The following AP4E1 variants were observed in gnomAD, a reference collection of about 807,000 sequenced individuals.
AP4E1 encodes adaptor related protein complex 4 subunit epsilon 1.
Under a neutral mutation model 128.2 loss-of-function variants are expected in AP4E1, and 56 were observed. That is an observed-to-expected ratio of 0.44 (90% confidence interval 0.35 to 0.55). The LOEUF (loss-of-function observed/expected upper bound fraction) is 0.55, where lower values mean the gene tolerates loss of function less well. Among genes scored for constraint, AP4E1 ranks in the 20% least tolerant of loss-of-function variants. AP4E1 has a pLI of 0.00. For missense variants in AP4E1, 1,324 were observed against 1,307.7 expected (o/e 1.01, Z -0.19); for synonymous variants, 484 against 473.1 (o/e 1.02, Z -0.30).
intron 20 of AP4E1, among the ~76,000 whole-genome samples, chr15:51,001,766 G>T (rs2064966286): frequency 6.6e-6 from 1 of 152,184 alleles, no homozygotes; most frequent in East Asian, 1.9e-4. Flanking sequence ...TGGCTATGGT[G>T]AGTAATGCTG....
Position 50,984,078 on chromosome 15 carries a change from C to T in AP4E1, c.2023C>T (p.Gln675Ter), listed in dbSNP as rs1045190183. 6.2e-7 allele frequency: 1 copy of T among 1,613,462 alleles called. No individual in the cohort carries two copies. Among genetic ancestry groups the T allele is most frequent in the Non-Finnish European group, 8.5e-7 (1 of 1,179,504 alleles). ...TTCTTCATCTGGCTTCACTGGACGA[C>T]AGTCTCCTGCTGGCATTTCTCTTGG... ...SFSSSGFTGR[Q>*]SPAGISLGSD... The change falls in exon 16 of 21, where the codon CAG (glutamine) becomes TAG (stop). Residue 675 changes from glutamine (Q) to a stop codon, truncating the protein, a stop_gained. Transcript: ENST00000261842. LOFTEE classifies it high-confidence loss of function.
At chr15:50,975,887 G>T (rs2064543509) in intron 15 of AP4E1, among the ~76,000 whole-genome samples, 1 of 151,824 alleles carries the variant, frequency 6.6e-6, no homozygotes, top group African/African-American at 2.4e-5. Flanking sequence ...ATGGTGGGAG[G>T]ATCACTTGAA....
chr15:50,946,119 A>G (rs1344633624), intron 10 of AP4E1: 1 of 542,322 alleles, frequency 1.8e-6, no homozygotes, highest in Non-Finnish European at 3.3e-6. Flanking sequence ...GTAGAGCTTT[A>G]TTGTTGCTCC....
intron 15 of AP4E1, among the ~76,000 whole-genome samples, chr15:50,968,682 C>T (rs1053601347): frequency 1.3e-5 from 2 of 152,190 alleles, no homozygotes; most frequent in African/African-American, 4.8e-5. Context: ...GGCTGCTGTG[C>T]AGTGGCACGA....
Position 50,999,084 on chromosome 15 carries a change from C to A in AP4E1, c.2917C>A (p.Pro973Thr). The A allele has an allele frequency of 6.2e-7, 1 of 1,614,008 alleles. No individual in the cohort carries two copies. The highest frequency in any genetic ancestry group is 8.5e-7 in the Non-Finnish European group (1 of 1,179,950). Residue 973 changes from proline to threonine, a missense_variant, in exon 19 of 21, where the codon CCT (proline) becomes ACT (threonine). Coordinates refer to ENST00000261842, the MANE Select transcript of AP4E1 (RefSeq NM_007347.5). ...PAENFKVTEQ[P>T]GCCLPVMEAE... ...CTTCTATTTGCAGGTGACTGAGCAA[C>A]CTGGATGCTGTTTGCCTGTAATGGA...
Position 51,004,266 on chromosome 15 carries a change from C to T in AP4E1, c.*1604C>T, listed in dbSNP as rs1567271542. The stretch of plus-strand genomic sequence containing the variant: ...TTATCAGCTCCCTCCTTATTCCTAC[C>T]TCTGTCAGCAGCATGCCTCGCCCCT... On this transcript the variant is annotated 3_prime_UTR_variant, in exon 21 of 21. Coordinates refer to ENST00000261842, the MANE Select transcript of AP4E1 (RefSeq NM_007347.5). 6.6e-6 allele frequency: 1 copy of T among 152,208 alleles called. No individual in the cohort carries two copies. The highest frequency in any genetic ancestry group is 2.4e-5 in the African/African-American group (1 of 41,462). The allele number at this position is 152,208 out of a possible 1,614,324, so 9.4% of individuals were successfully genotyped here.
intron 16 of AP4E1, 151 bp downstream of exon 16, chr15:50,984,296 T>G (rs1015156048): frequency 2.0e-6 from 2 of 988,412 alleles, no homozygotes; most frequent in Non-Finnish European, 3.0e-6. Flanking sequence ...TCAGTGGTTT[T>G]CACATAATTT....
Position 50,990,344 on chromosome 15 carries a change from TTTATTA to T in AP4E1, c.2091-2999_2091-2994del, listed in dbSNP as rs67379169. 9.9e-4 allele frequency among the ~76,000 whole-genome samples: 140 copies of T among 141,096 alleles called. No individual in the cohort carries two copies. The Middle Eastern group carries it at 0.018, about 19-fold the overall frequency. The allele number at this position is 141,096 out of a possible 152,430, so 92.6% of individuals were successfully genotyped here. A position where few individuals can be genotyped will look rare whatever the true frequency, so the allele number is the denominator to read the frequency against. On this transcript the variant is annotated intron_variant, in intron 16 of 20. Transcript: ENST00000261842. ...TTCCCATTTTTTATTATTTATTTAATTTATTATTATTATTATTATTATTATTATTAT... is the reference window on the plus strand; with the variant it reads ...TTCCCATTTTTTATTATTTATTTAATTTATTATTATTATTATTATTATTAT...
At chr15:50,909,611 C>T (rs1291772300) in intron 1 of AP4E1, among the ~76,000 whole-genome samples, 1 of 152,254 alleles carries the variant, frequency 6.6e-6, no homozygotes, top group Non-Finnish European at 1.5e-5. Flanking sequence ...GACGGAGTCT[C>T]TCTCTGTCGC....
At chr15:50,916,192 A>G (rs181638088) in intron 3 of AP4E1, among the ~76,000 whole-genome samples, 75 of 152,328 alleles carry the variant, frequency 4.9e-4, no homozygotes, top group African/African-American at 1.8e-3. Context: ...GGCCTCCCAA[A>G]GCGCTGGGAT....
intron 1 of AP4E1, among the ~76,000 whole-genome samples, chr15:50,910,159 G>C (rs1159789588): frequency 1.3e-5 from 2 of 152,152 alleles, no homozygotes; most frequent in Non-Finnish European, 2.9e-5. Context: ...GCTAATTTTT[G>C]TATTTTTAGT....
intron 7 of AP4E1, 172 bp from the exon 8 acceptor site, chr15:50,934,452 C>T: frequency 1.8e-6 from 1 of 542,566 alleles, no homozygotes; most frequent in Non-Finnish European, 3.4e-6. Flanking sequence ...GAAGTTCAAG[C>T]TCATGAAAAA....
In AP4E1 at chr15:50,908,715, C is replaced by T. The variant is rs970375919; in HGVS notation, c.-64C>T. 4.5e-4 allele frequency: 638 copies of T among 1,404,994 alleles called. 1 individual carries two copies. Among genetic ancestry groups the T allele is most frequent in the Admixed American group, 1.8e-4 (5 of 27,134 alleles). 87.0% of individuals were successfully genotyped at this position (1,404,994 alleles called of 1,614,324 possible). ...ACGGAGGCCGGGCCGGCAGCGGCGG[C>T]CGGGCATGAAGCCGGGCGGCTACGG... On this transcript the variant is annotated 5_prime_UTR_variant, in exon 1 of 21. Transcript: ENST00000261842.
Position 50,958,622 on chromosome 15 carries a change from A to G in AP4E1, c.1679A>G (p.Lys560Arg). The G allele has an allele frequency of 6.2e-7, 1 of 1,614,162 alleles. No homozygotes were observed. The highest frequency in any genetic ancestry group is 8.5e-7 in the Non-Finnish European group (1 of 1,180,014). ...GCCTGGTTAATTGCTGCTGTGACCA[A>G]ATTGACATCTCAGGCGCACTCTTCT... ...TKAWLIAAVT[K>R]LTSQAHSSNT... Residue 560 changes from lysine (K) to arginine (R), a missense_variant, in exon 14 of 21, where the codon AAA (lysine) becomes AGA (arginine). By Grantham distance (26) the Lys-to-Arg change is conservative. Coordinates refer to ENST00000261842, the MANE Select transcript of AP4E1 (RefSeq NM_007347.5).
At chr15:50,911,597 C>A (rs1359073622) in intron 1 of AP4E1, among the ~76,000 whole-genome samples, 1 of 151,612 alleles carries the variant, frequency 6.6e-6, no homozygotes, top group Non-Finnish European at 1.5e-5. Flanking sequence ...ATTCTCCTGC[C>A]CCTGCCTCAG....
At chr15:50,911,009 C>G (rs1238287878) in intron 1 of AP4E1, among the ~76,000 whole-genome samples, 1 of 152,164 alleles carries the variant, frequency 6.6e-6, no homozygotes, top group Non-Finnish European at 1.5e-5. Flanking sequence ...TTGTCCTTTG[C>G]TAATTTTTAA....
rs572643125 is a variant in AP4E1 at position 50,930,180 on chromosome 15, G to A, written c.703-625G>A. ...CGTCCCAGGTTCAAGCGATTCTCCT[G>A]CCTCAGCCTCTCGAGTAGCTGGGAT... On this transcript the variant is annotated intron_variant, in intron 6 of 20. Coordinates refer to ENST00000261842, the MANE Select transcript of AP4E1 (RefSeq NM_007347.5). Among the ~76,000 whole-genome samples, 398 of 145,050 alleles carry A rather than the reference G, an allele frequency of 2.7e-3. 4 individuals carry two copies. Among genetic ancestry groups the A allele is most frequent in the South Asian group, 7.5e-3 (33 of 4,382 alleles).
At position 50,997,659 on chromosome 15, in the gene AP4E1, G is replaced by T. The variant is rs145583604; in HGVS notation, c.2680G>T (p.Ala894Ser). 6.2e-7 allele frequency: 1 copy of T among 1,613,882 alleles called. No homozygotes were observed. The highest frequency in any genetic ancestry group is 1.3e-5 in the African/African-American group (1 of 74,910). ...EIFHPPQSTA[A>S]SVAKESSLAS... is the part of the protein sequence containing the mutation. Reference sequence around the variant, plus strand: ...TTTTCACCCTCCTCAATCTACTGCAGCCTCAGTTGCCAAGGAAAGCTCTTT... The same window carrying T: ...TTTTCACCCTCCTCAATCTACTGCATCCTCAGTTGCCAAGGAAAGCTCTTT... The change falls in exon 18 of 21, where the codon GCC (alanine) becomes TCC (serine). Residue 894 changes from alanine to serine, a missense_variant. Physicochemically the swap from Ala to Ser is moderately conservative, Grantham distance 99. Transcript: ENST00000261842.
intron 8 of AP4E1, 40 bp downstream of exon 8, chr15:50,934,737 T>A (rs2063884931): frequency 5.3e-6 from 7 of 1,325,654 alleles, no homozygotes; most frequent in Admixed American, 3.4e-5. Flanking sequence ...TGACTAATAA[T>A]GTTTTTTAGT....
Sources: allele counts gnomAD v4.1 joint callset (sites outside exome capture counted in the v4.1 genomes callset), GRCh38; gene constraint gnomAD v4.1.1; transcripts MANE v1.5; gene names NCBI Gene and HGNC (gene_info 2026-07-23, HGNC 2026-07-21).